The following PUS7 variants were observed in gnomAD, a reference collection of about 807,000 sequenced individuals.
The protein encoded by PUS7 is pseudouridine synthase 7, also known as pseudouridylate synthase 7 homolog.
Under a neutral mutation model 79.8 loss-of-function variants are expected in PUS7, and 48 were observed. That is an observed-to-expected ratio of 0.60 (90% confidence interval 0.48 to 0.76). The LOEUF (loss-of-function observed/expected upper bound fraction) is 0.76, where lower values mean the gene tolerates loss of function less well. Among genes scored for constraint, PUS7 ranks in the 30% least tolerant of loss-of-function variants. PUS7 has a pLI of 0.00. For missense variants in PUS7, 729 were observed against 797.6 expected (o/e 0.91, Z 1.04); for synonymous variants, 286 against 272.2 (o/e 1.05, Z -0.50).
At chr7:105,463,957 C>T (rs1823537334) in intron 13 of PUS7, among the ~76,000 whole-genome samples, 1 of 152,130 alleles carries the variant, frequency 6.6e-6, no homozygotes, top group South Asian at 2.1e-4. Flanking sequence ...AAAATATTGG[C>T]TAGAACAGGT....
intron 13 of PUS7, among the ~76,000 whole-genome samples, chr7:105,464,667 T>C (rs1415383340): frequency 1.3e-5 from 2 of 152,290 alleles, no homozygotes; most frequent in Admixed American, 6.5e-5. Flanking sequence ...AGTTACATCA[T>C]TGGCTTCCCT....
intron 5 of PUS7, among the ~76,000 whole-genome samples, chr7:105,498,722 T>C (rs1825134284): frequency 6.6e-6 from 1 of 152,192 alleles, no homozygotes; most frequent in Admixed American, 6.5e-5. Flanking sequence ...CCATCCATTA[T>C]CTTTATTTTG....
chr7:105,490,636 T>G (rs1454409753), intron 7 of PUS7, among the ~76,000 whole-genome samples: 3 of 152,160 alleles, frequency 2.0e-5, no homozygotes, highest in African/African-American at 7.2e-5. Context: ...GCCTAACTCC[T>G]AGATCCTTAT....
chr7:105,489,123 G>A (rs1376443123), intron 7 of PUS7, among the ~76,000 whole-genome samples: 1 of 139,828 alleles, frequency 7.2e-6, no homozygotes, highest in African/African-American at 2.7e-5. Context: ...ACTCCAGCGT[G>A]GGCAACAGAG....
chr7:105,519,496 C>T (rs1441427829), intron 1 of PUS7, among the ~76,000 whole-genome samples: 2 of 152,162 alleles, frequency 1.3e-5, no homozygotes, highest in Admixed American at 1.3e-4. Context: ...CTGCCTGCCT[C>T]GGCCTCCCAG....
intron 9 of PUS7, among the ~76,000 whole-genome samples, chr7:105,476,561 T>C (rs2133107891): frequency 6.6e-6 from 1 of 152,292 alleles, no homozygotes; most frequent in African/African-American, 2.4e-5. Flanking sequence ...TTTCACCATG[T>C]TGGTCAGGCT....
intron 5 of PUS7, 73 bp from the exon 6 acceptor site, chr7:105,495,326 T>C: frequency 5.7e-6 from 5 of 874,634 alleles, no homozygotes; most frequent in Non-Finnish European, 9.3e-6. Context: ...TTTTTCGCTA[T>C]AGAACCTTTG....
chr7:105,513,754 C>T (rs573847087), intron 1 of PUS7, among the ~76,000 whole-genome samples: 50 of 143,766 alleles, frequency 3.5e-4, no homozygotes, highest in African/African-American at 1.0e-3. Context: ...AGGAGAATGG[C>T]GTGAACCCAG....
intron 13 of PUS7, among the ~76,000 whole-genome samples, chr7:105,464,692 C>A (rs1823565288): frequency 6.6e-6 from 1 of 152,172 alleles, no homozygotes; most frequent in South Asian, 2.1e-4. Context: ...CTCAGGCCTT[C>A]ACACTTGGAC....
intron 1 of PUS7, among the ~76,000 whole-genome samples, chr7:105,517,153 A>T (rs948169199): frequency 7.3e-6 from 1 of 136,598 alleles, no homozygotes; most frequent in African/African-American, 2.5e-5. Flanking sequence ...AAAACTTAAA[A>T]TCCTTCACAT....
intron 1 of PUS7, among the ~76,000 whole-genome samples, chr7:105,520,552 AAATAAAT>A (rs1826069070): frequency 1.4e-5 from 2 of 147,302 alleles, no homozygotes; most frequent in African/African-American, 2.5e-5. Context: ...ATAAATAAAT[AAATAAAT>A]AAAAATACAA....
intron 6 of PUS7, among the ~76,000 whole-genome samples, chr7:105,493,933 T>C (rs972459723): frequency 2.0e-5 from 3 of 152,260 alleles, no homozygotes; most frequent in Non-Finnish European, 4.4e-5. Context: ...ACTGTTTCCA[T>C]ATTTAAAATG....
chr7:105,512,284 C>G (rs183874243), intron 1 of PUS7, among the ~76,000 whole-genome samples: 12 of 151,508 alleles, frequency 7.9e-5, no homozygotes, highest in Admixed American at 7.9e-4. Flanking sequence ...AAGAAAAAAG[C>G]ATTTACTCTT....
At chr7:105,511,130 C>G (rs1362281791) in intron 1 of PUS7, among the ~76,000 whole-genome samples, 1 of 151,462 alleles carries the variant, frequency 6.6e-6, no homozygotes, top group Non-Finnish European at 1.5e-5. Context: ...CTCCCAGGTT[C>G]ACACCATTCT....
chr7:105,486,198 G>A (rs544731919), intron 7 of PUS7, among the ~76,000 whole-genome samples: 10 of 151,906 alleles, frequency 6.6e-5, no homozygotes, highest in East Asian at 1.9e-4. Flanking sequence ...GATTACAGAC[G>A]CCTGCCACCA....
At chr7:105,521,866 G>T (rs1004304424) in intron 1 of PUS7, among the ~76,000 whole-genome samples, 186 bp downstream of exon 1, 1 of 151,888 alleles carries the variant, frequency 6.6e-6, no homozygotes, top group Non-Finnish European at 1.5e-5. Context: ...GACCCACTGG[G>T]TTCCAACCGT....
At chr7:105,503,007 T>C (rs531665785) in intron 4 of PUS7, among the ~76,000 whole-genome samples, 6 of 152,244 alleles carry the variant, frequency 3.9e-5, no homozygotes, top group African/African-American at 1.4e-4. Context: ...GTCTCAAAAA[T>C]ATTTCAGAGC....
At chr7:105,489,984 T>C (rs1400620555) in intron 7 of PUS7, among the ~76,000 whole-genome samples, 1 of 151,904 alleles carries the variant, frequency 6.6e-6, no homozygotes, top group African/African-American at 2.4e-5. Flanking sequence ...CCAGGTGCAC[T>C]GGTGTATGCC....
chr7:105,508,672 G>A, intron 1 of PUS7, 128 bp from the exon 2 acceptor site: 1 of 1,254,454 alleles, frequency 8.0e-7, no homozygotes, highest in Non-Finnish European at 1.1e-6. Flanking sequence ...TTGAGGTCAG[G>A]AGTTCAAGAC....
Sources: allele counts gnomAD v4.1 joint callset (sites outside exome capture counted in the v4.1 genomes callset), GRCh38; gene constraint gnomAD v4.1.1; transcripts MANE v1.5; gene names NCBI Gene and HGNC (gene_info 2026-07-23, HGNC 2026-07-21).